The following FBXO11 variants were observed in gnomAD, a reference collection of about 807,000 sequenced individuals.
FBXO11 encodes F-box only protein 11.
In FBXO11, 13 loss-of-function variants were observed where a neutral mutation model predicts 117.0. That is an observed-to-expected ratio of 0.11 (90% CI 0.07 to 0.18). The LOEUF (loss-of-function observed/expected upper bound fraction) is 0.18. Among genes scored for constraint, FBXO11 ranks in the 10% least tolerant of loss-of-function variants. FBXO11 has a pLI of 1.00. For synonymous variants in FBXO11, 490 were observed against 380.5 expected (o/e 1.29, Z -3.35); for missense variants, 767 against 1,164.4 (o/e 0.66, Z 4.97).
At chr2:47,814,229 G>C (rs544125406) in intron 16 of FBXO11, 3 of 203,852 alleles carry the variant, frequency 1.5e-5, no homozygotes, top group Non-Finnish European at 3.0e-5. Flanking sequence ...TTGCAATAAA[G>C]AGAGTCGCAT....
At chr2:47,894,952 G>A (rs921065556) in intron 1 of FBXO11, among the ~76,000 whole-genome samples, 1 of 152,034 alleles carries the variant, frequency 6.6e-6, no homozygotes, top group African/African-American at 2.4e-5. Context: ...AGGATACCAA[G>A]AGACTCAAGA....
At chr2:47,821,580 A>G (rs1671387473) in intron 13 of FBXO11, among the ~76,000 whole-genome samples, 1 of 151,488 alleles carries the variant, frequency 6.6e-6, no homozygotes. Flanking sequence ...ACTGCACTCC[A>G]GCCTGGGTGA....
chr2:47,860,406 C>T (rs894461428), intron 1 of FBXO11, among the ~76,000 whole-genome samples: 33 of 150,836 alleles, frequency 2.2e-4, no homozygotes, highest in African/African-American at 7.8e-4. Flanking sequence ...TTATTTTACC[C>T]TGGATTTTTT....
chr2:47,816,833 T>G (rs1250595746), intron 16 of FBXO11, among the ~76,000 whole-genome samples: 4 of 152,204 alleles, frequency 2.6e-5, no homozygotes, highest in Non-Finnish European at 5.9e-5. Flanking sequence ...ATTCATGTGC[T>G]ATCATCCATG....
chr2:47,820,658 C>G (rs1671314523), intron 13 of FBXO11, among the ~76,000 whole-genome samples: 1 of 152,180 alleles, frequency 6.6e-6, no homozygotes. Flanking sequence ...TGGAGCCGAG[C>G]TGCCACATTT....
intron 1 of FBXO11, among the ~76,000 whole-genome samples, chr2:47,872,534 G>A (rs1675699456): frequency 6.6e-6 from 1 of 152,242 alleles, no homozygotes; most frequent in African/African-American, 2.4e-5. Flanking sequence ...ATGTTGGCCA[G>A]AGTGGTCTAA....
At chr2:47,900,654 A>ACG (rs1222424478) in intron 1 of FBXO11, among the ~76,000 whole-genome samples, 8 of 108,120 alleles carry the variant, frequency 7.4e-5, no homozygotes, top group East Asian at 9.0e-4. Flanking sequence ...ATACACACGT[A>ACG]TACACACACG....
rs1426316695 is a variant in FBXO11 at position 47,809,605 on chromosome 2, A to G, written c.2441T>C (p.Met814Thr). ...TATAGCAGACTCCAACATACCTTTC[A>G]TTGTCACATTAACACCAGATGCTAA... The part of the protein sequence containing the change: ...LFLASGVNVT[M>T]KDNKIMNNQD... Residue 814 changes from methionine (M) to threonine (T), a missense_variant, in exon 20 of 23, where the codon ATG becomes ACG. Transcript: ENST00000403359. The G allele has an allele frequency of 8.7e-6, 14 of 1,609,704 alleles. No individual in the cohort carries two copies. The highest frequency in any genetic ancestry group is 1.2e-5 in the Non-Finnish European group (14 of 1,176,562).
intron 4 of FBXO11, 83 bp from the exon 5 acceptor site, chr2:47,836,084 G>A: frequency 1.0e-6 from 1 of 999,970 alleles, no homozygotes; most frequent in South Asian, 2.0e-5. Context: ...ACAATTATTT[G>A]AGGCCTCAAA....
At chr2:47,824,709 C>A (rs538890721) in intron 11 of FBXO11, among the ~76,000 whole-genome samples, 1 of 152,102 alleles carries the variant, frequency 6.6e-6, no homozygotes. Flanking sequence ...GGAACAAAAA[C>A]GTGAGATGAT....
Position 47,807,438 on chromosome 2 carries a change from C to T in FBXO11, c.*680G>A, listed in dbSNP as rs1436467250. On this transcript the variant is annotated 3_prime_UTR_variant, in exon 23 of 23. Coordinates refer to ENST00000403359, the MANE Select transcript of FBXO11 (RefSeq NM_001190274.2). Reference sequence around the variant, plus strand: ...ACAGGGAAGGGAAGGAAATAATAGTCTTAACTTTTCTTAAAGGATACCAGA... The same window carrying T: ...ACAGGGAAGGGAAGGAAATAATAGTTTTAACTTTTCTTAAAGGATACCAGA... The T allele has an allele frequency of 4.9e-5, 10 of 204,600 alleles. No homozygotes were observed. The East Asian group carries it at 6.8e-4, about 14-fold the overall frequency. 12.7% of individuals were successfully genotyped at this position (204,600 alleles called of 1,614,324 possible). A position where few individuals can be genotyped will look rare whatever the true frequency, so the allele number is the denominator to read the frequency against.
chr2:47,889,288 G>A (rs182754686), intron 1 of FBXO11, among the ~76,000 whole-genome samples: 1 of 152,184 alleles, frequency 6.6e-6, no homozygotes, highest in African/African-American at 2.4e-5. Context: ...TCTGTGATTG[G>A]CTCTTCATAG....
chr2:47,814,063 A>G (rs1670829873), intron 16 of FBXO11, 196 bp from the exon 17 acceptor site: 2 of 501,360 alleles, frequency 4.0e-6, no homozygotes, highest in Admixed American at 7.0e-5. Context: ...ATACTTTACT[A>G]CAGATTATTA....
chr2:47,850,598 T>G (rs144442112), intron 1 of FBXO11, among the ~76,000 whole-genome samples: 10 of 152,290 alleles, frequency 6.6e-5, no homozygotes, highest in Non-Finnish European at 1.0e-4. Context: ...ATACTCTATA[T>G]AGAAAATGTC....
At chr2:47,905,235 T>A (rs538194229) in intron 1 of FBXO11, 1 of 247,742 alleles carries the variant, frequency 4.0e-6, no homozygotes, top group African/African-American at 2.3e-5. Flanking sequence ...GGGTGGAGGG[T>A]GCTGAGCCCC....
At chr2:47,841,005 T>G (rs1040842973) in intron 1 of FBXO11, among the ~76,000 whole-genome samples, 1 of 152,192 alleles carries the variant, frequency 6.6e-6, no homozygotes, top group African/African-American at 2.4e-5. Flanking sequence ...GAGACCATCC[T>G]GGAAAACACA....
chr2:47,853,222 C>T (rs944883381), intron 1 of FBXO11, among the ~76,000 whole-genome samples: 2 of 151,972 alleles, frequency 1.3e-5, no homozygotes, highest in African/African-American at 2.4e-5. Flanking sequence ...CAGGCACTCA[C>T]CACCAAGCCC....
intron 18 of FBXO11, 138 bp from the exon 19 acceptor site, chr2:47,810,564 A>C (rs930227604): frequency 1.5e-5 from 8 of 550,186 alleles, no homozygotes; most frequent in Non-Finnish European, 2.5e-5. Context: ...CAGCCAAAAC[A>C]AGTTTATTAG....
At chr2:47,824,240 C>G (rs1466300763) in intron 11 of FBXO11, among the ~76,000 whole-genome samples, 2 of 152,192 alleles carry the variant, frequency 1.3e-5, no homozygotes, top group Non-Finnish European at 2.9e-5. Context: ...GGCCTCCCAG[C>G]ACTTTGGAAG....
Sources: gnomAD v4.1 joint callset for allele counts (sites outside exome capture counted in the v4.1 genomes callset) on GRCh38, gnomAD v4.1.1 for gene constraint, MANE v1.5 for transcripts, NCBI Gene and HGNC (gene_info 2026-07-23, HGNC 2026-07-21) for gene names.